Variants in GLT8D2 observed in about 807,000 individuals in gnomAD.
The protein encoded by GLT8D2 is glycosyltransferase 8 domain containing 2.
Under a neutral mutation model 44.5 loss-of-function variants are expected in GLT8D2, and 45 were observed. The observed-to-expected ratio is 1.01, with a 90% CI of 0.80 to 1.30. The LOEUF is 1.30. GLT8D2 is among the 50% of genes most tolerant of loss of function. The pLI is 0.00. For missense variants in GLT8D2, 400 were observed against 430.4 expected (o/e 0.93, Z 0.62); for synonymous variants, 156 against 157.2 (o/e 0.99, Z 0.06).
At chr12:104,049,490 A>T (rs996050869) in intron 1 of GLT8D2, 1 of 152,240 alleles carries the variant, frequency 6.6e-6, no homozygotes, top group Non-Finnish European at 1.5e-5. Flanking sequence ...CCTAAGGCAG[A>T]TTCTGAAAAC....
intron 1 of GLT8D2, among the ~76,000 whole-genome samples, chr12:104,062,966 C>T (rs1430699823): frequency 6.6e-6 from 1 of 152,038 alleles, no homozygotes; most frequent in Non-Finnish European, 1.5e-5. Context: ...CATAGGAGCT[C>T]GAACCCTACT....
chr12:104,008,953 G>A (rs1875456909), intron 4 of GLT8D2, among the ~76,000 whole-genome samples: 1 of 152,266 alleles, frequency 6.6e-6, no homozygotes, highest in Non-Finnish European at 1.5e-5. Context: ...TTCAGAAGAT[G>A]TATGGAAATG....
At chr12:104,021,980 AGAG>A (rs746879519) in intron 1 of GLT8D2, among the ~76,000 whole-genome samples, 1,922 of 74,424 alleles carry the variant, frequency 0.026, 413 homozygotes, top group South Asian at 0.033. Flanking sequence ...AGGAAGAGGA[AGAG>A]GAAGAAGAAG....
At chr12:104,033,936 G>T (rs1456631521) in intron 1 of GLT8D2, among the ~76,000 whole-genome samples, 2 of 151,662 alleles carry the variant, frequency 1.3e-5, no homozygotes, top group African/African-American at 2.4e-5. Flanking sequence ...TCCCACCTTG[G>T]TCTCCCAAAG....
At chr12:103,995,777 A>G (rs1052492154) in intron 8 of GLT8D2, among the ~76,000 whole-genome samples, 26 of 152,218 alleles carry the variant, frequency 1.7e-4, no homozygotes, top group African/African-American at 6.3e-4. Flanking sequence ...ATCATCTATA[A>G]TTCCTTAATG....
At chr12:104,010,515 G>T (rs555643077) in intron 4 of GLT8D2, among the ~76,000 whole-genome samples, 2 of 152,066 alleles carry the variant, frequency 1.3e-5, no homozygotes, top group South Asian at 2.1e-4. Context: ...TATTAATTGC[G>T]TTGGAATTTA....
In GLT8D2 at chr12:104,011,602, A is replaced by C. The variant is rs1875833531; in HGVS notation, c.112+3411T>G. 2.6e-5 allele frequency among the ~76,000 whole-genome samples: 4 copies of C among 152,222 alleles called. No individual in the cohort carries two copies. The South Asian group carries it at 8.3e-4, about 32-fold the overall frequency. ...TGTCACAATGGGGATATTACAGAGA[A>C]TACCGCCATGTTTTACTTGAACGTA... is the stretch of plus-strand genomic sequence containing the variant. On this transcript the variant is annotated intron_variant, in intron 4 of 10. Transcript: ENST00000360814.
chr12:104,014,380 A>G (rs934854562), intron 4 of GLT8D2: 174 of 661,650 alleles, frequency 2.6e-4, no homozygotes, highest in Non-Finnish European at 4.2e-4. Context: ...TTAATTAAAA[A>G]TGTAATAAAC....
rs138666930 is a variant in GLT8D2, at chr12:104,020,910, G to A, written c.-29+447C>T. On this transcript the variant is annotated intron_variant, in intron 2 of 10. Transcript: ENST00000360814. The stretch of plus-strand genomic sequence containing the variant: ...GAGGTCAGAGAGGTACCAAGGGGCC[G>A]GATACTACTGTGCCTGAAGAGGAGT... Among the ~76,000 whole-genome samples the A allele has an allele frequency of 5.9e-5, 9 of 152,266 alleles. No individual in the cohort carries two copies. The East Asian group carries it at 9.6e-4, about 16-fold the overall frequency.
At chr12:104,006,625 C>T (rs1875048053) in intron 4 of GLT8D2, among the ~76,000 whole-genome samples, 1 of 152,188 alleles carries the variant, frequency 6.6e-6, no homozygotes, top group African/African-American at 2.4e-5. Context: ...CAGAATCCAC[C>T]CCTGAGCCTT....
In GLT8D2 at chr12:104,036,014, T is replaced by G. The variant is rs186584291; in HGVS notation, c.-164+13881A>C. Among the ~76,000 whole-genome samples the G allele has an allele frequency of 2.3e-4, 35 of 152,312 alleles. No homozygotes were observed. The East Asian group carries it at 6.4e-3, about 28-fold the overall frequency. On this transcript the variant is annotated intron_variant, in intron 1 of 10. Coordinates refer to ENST00000360814, the MANE Select transcript of GLT8D2 (RefSeq NM_001384711.1). ...GCTAGAAGAGAGTGGGGGGCAATAT[T>G]CAACATTCTTAAAGAAAAGAATTTT...
chr12:103,997,034 G>C (rs1420739306), intron 7 of GLT8D2, among the ~76,000 whole-genome samples, 187 bp from the exon 8 acceptor site: 1 of 152,214 alleles, frequency 6.6e-6, no homozygotes, highest in Admixed American at 6.5e-5. Flanking sequence ...TGGATGATGA[G>C]TTCAAACTGG....
intron 3 of GLT8D2, among the ~76,000 whole-genome samples, chr12:104,015,443 C>A (rs1423828139): frequency 1.4e-5 from 2 of 142,932 alleles, no homozygotes; most frequent in Admixed American, 6.9e-5. Flanking sequence ...CACAAATTAG[C>A]TGGGCGTGGT....
chr12:104,003,682 C>T (rs1474408272), intron 4 of GLT8D2, among the ~76,000 whole-genome samples: 1 of 152,118 alleles, frequency 6.6e-6, no homozygotes, highest in Non-Finnish European at 1.5e-5. Flanking sequence ...GAGTTGCCAG[C>T]TTAGACCACA....
intron 1 of GLT8D2, among the ~76,000 whole-genome samples, chr12:104,030,137 C>T (rs1022560148): frequency 1.3e-5 from 2 of 152,052 alleles, no homozygotes; most frequent in African/African-American, 4.8e-5. Flanking sequence ...GACATAAAAA[C>T]AGACACATAG....
At chr12:104,028,950 A>AG (rs1474518208) in intron 1 of GLT8D2, among the ~76,000 whole-genome samples, 5 of 152,170 alleles carry the variant, frequency 3.3e-5, no homozygotes, top group Admixed American at 6.5e-5. Context: ...AAAAAAAAAA[A>AG]CCACGTTGGG....
chr12:103,999,761 T>C (rs1873960430), intron 5 of GLT8D2, among the ~76,000 whole-genome samples: 1 of 152,028 alleles, frequency 6.6e-6, no homozygotes, highest in Non-Finnish European at 1.5e-5. Flanking sequence ...AATAACCAAA[T>C]CTCTCCCCAG....
In GLT8D2 at chr12:104,027,719, T is replaced by A. The variant is rs569526482; in HGVS notation, c.-163-6228A>T. On this transcript the variant is annotated intron_variant, in intron 1 of 10. Transcript: ENST00000360814. Reference sequence around the variant, plus strand: ...CACCTTTCAAGTGGATGTATTACTATCTCCATTTTTCAAATGAGGACATTG... The same window carrying A: ...CACCTTTCAAGTGGATGTATTACTAACTCCATTTTTCAAATGAGGACATTG... Among the ~76,000 whole-genome samples, 3 of 152,330 alleles carry A rather than the reference T, an allele frequency of 2.0e-5. No homozygotes were observed. The South Asian group carries it at 6.2e-4, about 32-fold the overall frequency.
intron 3 of GLT8D2, 64 bp downstream of exon 3, chr12:104,019,566 C>T (rs2136370900): frequency 7.7e-7 from 1 of 1,298,262 alleles, no homozygotes; most frequent in Non-Finnish European, 1.1e-6. Flanking sequence ...AGCCAAGCCC[C>T]AGCCTCAAAA....
Sources: gnomAD v4.1 joint callset for allele counts (sites outside exome capture counted in the v4.1 genomes callset) on GRCh38, gnomAD v4.1.1 for gene constraint, MANE v1.5 for transcripts, NCBI Gene and HGNC (gene_info 2026-07-23, HGNC 2026-07-21) for gene names.